The following WWOX variants were observed in gnomAD, a reference collection of about 807,000 sequenced individuals.
WWOX encodes WW domain containing oxidoreductase.
A neutral mutation model predicts 46.2 loss-of-function variants in WWOX; 69 were observed. That is an observed-to-expected ratio of 1.49 (90% confidence interval 1.23 to 1.82). The LOEUF (loss-of-function observed/expected upper bound fraction) is 1.82. WWOX is among the 40% of genes most tolerant of loss of function. The probability of loss-of-function intolerance (pLI) is 0.00; values close to 1 mark genes in which losing one functional copy is unlikely to be tolerated. For missense variants in WWOX, 919 were observed against 542.6 expected, an observed-to-expected ratio of 1.69 and a Z score of -6.89; for synonymous variants, 359 against 202.6, an observed-to-expected ratio of 1.77 and a Z score of -6.56.
intron 8 of WWOX, among the ~76,000 whole-genome samples, chr16:78,730,084 A>T (rs1361239529): frequency 6.6e-6 from 1 of 152,070 alleles, no homozygotes; most frequent in Non-Finnish European, 1.5e-5. Flanking sequence ...CATGGTGGTG[A>T]TGGTGTTTTA....
At chr16:79,045,696 G>T (rs1336195467) in intron 8 of WWOX, among the ~76,000 whole-genome samples, 3 of 148,574 alleles carry the variant, frequency 2.0e-5, no homozygotes, top group Non-Finnish European at 4.5e-5. Context: ...GGTTAACACA[G>T]TGTGTGTGTG....
intron 5 of WWOX, among the ~76,000 whole-genome samples, chr16:78,242,132 A>G (rs1448127100): frequency 3.3e-5 from 5 of 152,170 alleles, no homozygotes; most frequent in Non-Finnish European, 5.9e-5. Context: ...TAATTTTGGT[A>G]ACTTTGTCTG....
intron 8 of WWOX, among the ~76,000 whole-genome samples, chr16:79,141,831 G>C (rs182320959): frequency 5.3e-5 from 8 of 152,078 alleles, no homozygotes. Flanking sequence ...GAAGGAAGCA[G>C]TGTCCATTAG....
intron 8 of WWOX, among the ~76,000 whole-genome samples, chr16:79,020,637 G>C (rs554251258): frequency 1.3e-5 from 2 of 152,282 alleles, no homozygotes; most frequent in South Asian, 4.1e-4. Context: ...CGATGGGGAA[G>C]GGGACATTTC....
At chr16:78,854,641 C>T (rs926997419) in intron 8 of WWOX, among the ~76,000 whole-genome samples, 5 of 152,152 alleles carry the variant, frequency 3.3e-5, no homozygotes, top group African/African-American at 1.2e-4. Context: ...AGTGCAGTGG[C>T]GCGATCTCAG....
intron 8 of WWOX, among the ~76,000 whole-genome samples, chr16:78,987,904 G>T (rs1378004925): frequency 7.2e-5 from 11 of 152,138 alleles, no homozygotes; most frequent in Admixed American, 7.2e-4. Context: ...TGAAACCACA[G>T]GTCTCGTCAT....
chr16:78,133,553 G>C (rs975545424), intron 4 of WWOX, among the ~76,000 whole-genome samples: 5 of 152,128 alleles, frequency 3.3e-5, no homozygotes, highest in Non-Finnish European at 7.3e-5. Flanking sequence ...ACGCCACCAT[G>C]CCTAGCTGAT....
At chr16:78,744,330 T>G (rs903044818) in intron 8 of WWOX, among the ~76,000 whole-genome samples, 2 of 152,130 alleles carry the variant, frequency 1.3e-5, no homozygotes, top group African/African-American at 4.8e-5. Context: ...GTTTCATTTT[T>G]ATTTGTTTGC....
rs560210660 is a variant in WWOX, at chr16:78,319,604, TA to T, written c.517-67252del. On this transcript the variant is annotated intron_variant, in intron 5 of 8. Coordinates refer to ENST00000566780, the MANE Select transcript of WWOX (RefSeq NM_016373.4). ...AGTTGGTCTTCTGACTCCAGAGCTA[TA>T]AAAGAATAAATGTGTGTTATTTCAA... Among the ~76,000 whole-genome samples, 692 of 152,280 alleles carry T rather than the reference TA, an allele frequency of 4.5e-3. 4 individuals carry two copies. The highest frequency in any genetic ancestry group is 0.023 in the South Asian group (111 of 4,826).
chr16:78,405,778 A>T (rs968647378), intron 6 of WWOX, among the ~76,000 whole-genome samples: 1 of 152,154 alleles, frequency 6.6e-6, no homozygotes, highest in African/African-American at 2.4e-5. Context: ...CTGTCAAACA[A>T]GGTGGGCATT....
chr16:78,903,524 G>A (rs909749329), intron 8 of WWOX, among the ~76,000 whole-genome samples: 2 of 152,212 alleles, frequency 1.3e-5, no homozygotes, highest in African/African-American at 4.8e-5. Flanking sequence ...TTTCCCATCT[G>A]CCCTGCAGAA....
At chr16:78,758,031 C>T (rs558883554) in intron 8 of WWOX, among the ~76,000 whole-genome samples, 23 of 152,046 alleles carry the variant, frequency 1.5e-4, no homozygotes, top group African/African-American at 4.6e-4. Flanking sequence ...GTCAATCTTT[C>T]CCCACCTTCA....
At chr16:78,690,276 C>T (rs970219147) in intron 8 of WWOX, among the ~76,000 whole-genome samples, 1 of 152,066 alleles carries the variant, frequency 6.6e-6, no homozygotes, top group South Asian at 2.1e-4. Flanking sequence ...GTTGGCCAGG[C>T]GTGGTGGCTC....
chr16:78,594,033 A>T (rs1346116771), intron 8 of WWOX, among the ~76,000 whole-genome samples: 1 of 152,148 alleles, frequency 6.6e-6, no homozygotes, highest in African/African-American at 2.4e-5. Flanking sequence ...AATTGGGAAA[A>T]TATCGTGAGG....
intron 4 of WWOX, among the ~76,000 whole-genome samples, chr16:78,146,183 G>T (rs907483429): frequency 1.3e-5 from 2 of 152,016 alleles, no homozygotes; most frequent in Non-Finnish European, 2.9e-5. Context: ...GATCTTTTGG[G>T]GAGTACTTGC....
At chr16:79,118,990 G>A (rs995158833) in intron 8 of WWOX, among the ~76,000 whole-genome samples, 1 of 152,284 alleles carries the variant, frequency 6.6e-6, no homozygotes, top group Non-Finnish European at 1.5e-5. Context: ...ACATCTCTGT[G>A]CATAAAGCAG....
chr16:79,199,470 C>A (rs967527492), intron 8 of WWOX, among the ~76,000 whole-genome samples: 5 of 152,190 alleles, frequency 3.3e-5, no homozygotes, highest in African/African-American at 1.2e-4. Context: ...AATCTCTTAG[C>A]AGGAGGCCGC....
chr16:78,841,373 G>C (rs1258040400), intron 8 of WWOX, among the ~76,000 whole-genome samples: 1 of 152,160 alleles, frequency 6.6e-6, no homozygotes, highest in African/African-American at 2.4e-5. Context: ...CATGCCCTTA[G>C]CGAGCAGCTC....
intron 8 of WWOX, among the ~76,000 whole-genome samples, chr16:78,650,917 G>C (rs1354783824): frequency 5.3e-5 from 8 of 152,204 alleles, no homozygotes; most frequent in Admixed American, 4.6e-4. Flanking sequence ...TAGAGAAAAG[G>C]TGGCTTGGCT....
Sources: gnomAD v4.1 joint callset for allele counts (sites outside exome capture counted in the v4.1 genomes callset) on GRCh38, gnomAD v4.1.1 for gene constraint, MANE v1.5 for transcripts, NCBI Gene and HGNC (gene_info 2026-07-23, HGNC 2026-07-21) for gene names.